Variants in GRID2 observed in about 807,000 individuals in gnomAD.
The protein encoded by GRID2 is glutamate ionotropic receptor delta type subunit 2.
Under a neutral mutation model 114.8 loss-of-function variants are expected in GRID2, and 33 were observed. The ratio of observed to expected loss-of-function variants is 0.29; its 90% CI spans 0.22 to 0.38. The LOEUF (loss-of-function observed/expected upper bound fraction) is 0.38. Among genes scored for constraint, GRID2 ranks in the 10% least tolerant of loss-of-function variants. GRID2 has a pLI of 1.00. For synonymous variants in GRID2, 505 were observed against 449.9 expected, an observed-to-expected ratio of 1.12 and a Z score of -1.55; for missense variants, 1,184 against 1,257.7, an observed-to-expected ratio of 0.94 and a Z score of 0.89.
rs534166283 is a variant in GRID2, at chr4:93,300,086, T to C, written c.1245+61596T>C. On this transcript the variant is annotated intron_variant, in intron 8 of 15. Transcript: ENST00000282020. ...AATAGTTGCTATACAGTATTTGTTC[T>C]TTATTTGTATTATATTTCTCTTTCT... 1.2e-4 allele frequency among the ~76,000 whole-genome samples: 19 copies of C among 152,272 alleles called. No individual in the cohort carries two copies. The South Asian group carries it at 3.9e-3, about 32-fold the overall frequency.
Position 93,772,590 on chromosome 4 carries a change from TA to T in GRID2, c.*100del. ...GTGGGACTAACATGGATGTAACGTT[TA>T]AAAAAAAGATCAGGATTATTAGTAA... On this transcript the variant is annotated 3_prime_UTR_variant, in exon 16 of 16. Coordinates refer to ENST00000282020, the MANE Select transcript of GRID2 (RefSeq NM_001510.4). 3.1e-5 allele frequency: 27 copies of T among 878,256 alleles called. No homozygotes were observed. Among genetic ancestry groups the T allele is most frequent in the South Asian group, 5.8e-5 (3 of 51,920 alleles). The allele number at this position is 878,256 out of a possible 1,614,324, so 54.4% of individuals were successfully genotyped here.
chr4:93,331,816 G>C (rs1421107983), intron 8 of GRID2, among the ~76,000 whole-genome samples: 1 of 152,130 alleles, frequency 6.6e-6, no homozygotes, highest in South Asian at 2.1e-4. Flanking sequence ...GTTCTTAAAA[G>C]GGTTCAGTTA....
At chr4:92,952,908 G>A (rs2149137131) in intron 2 of GRID2, among the ~76,000 whole-genome samples, 1 of 152,318 alleles carries the variant, frequency 6.6e-6, no homozygotes, top group South Asian at 2.1e-4. Context: ...CACGGAGTCA[G>A]CAGAGGTATG....
chr4:92,434,191 C>T, intron 1 of GRID2, among the ~76,000 whole-genome samples: 1 of 152,176 alleles, frequency 6.6e-6, no homozygotes, highest in East Asian at 1.9e-4. Context: ...TTCTCAGCAA[C>T]ATCCTTTCAG....
At chr4:92,970,477 C>T (rs188731846) in intron 2 of GRID2, among the ~76,000 whole-genome samples, 21 of 151,950 alleles carry the variant, frequency 1.4e-4, no homozygotes, top group Admixed American at 7.9e-4. Flanking sequence ...TAATAGTGCA[C>T]ATATTTGTGA....
chr4:93,085,249 A>G lies in GRID2; in HGVS notation c.499A>G (p.Lys167Glu), dbSNP rs769028435. The G allele has an allele frequency of 6.2e-7, 1 of 1,613,526 alleles. No individual in the cohort carries two copies. Among genetic ancestry groups the G allele is most frequent in the Non-Finnish European group, 8.5e-7 (1 of 1,179,402 alleles). ...LRVVTEYAWQ[K>E]FIIFYDSEYD... ...AGTGGTCACAGAGTATGCCTGGCAG[A>G]AATTCATTATATTCTATGATAGTGA... The change falls in exon 3 of 16, where the codon AAA becomes GAA. Residue 167 changes from lysine (K) to glutamate (E), a missense_variant. By Grantham distance (56) the Lys-to-Glu change is moderately conservative (BLOSUM62 1). This residue lies in a region of GRID2 where 455 missense variants were observed against 429.5 expected (regional missense o/e 1.06). Coordinates refer to ENST00000282020, the MANE Select transcript of GRID2 (RefSeq NM_001510.4).
chr4:93,734,445 G>T (rs1402624204), intron 14 of GRID2, among the ~76,000 whole-genome samples: 1 of 151,914 alleles, frequency 6.6e-6, no homozygotes, highest in Non-Finnish European at 1.5e-5. Flanking sequence ...TGAATGTTTG[G>T]TTTCCCTTAT....
At chr4:92,328,521 T>C (rs1726712660) in intron 1 of GRID2, among the ~76,000 whole-genome samples, 1 of 152,104 alleles carries the variant, frequency 6.6e-6, no homozygotes, top group Non-Finnish European at 1.5e-5. Context: ...CAAGTAATCA[T>C]GCCAAGGACA....
chr4:92,358,634 A>C (rs913303441), intron 1 of GRID2, among the ~76,000 whole-genome samples: 1 of 151,882 alleles, frequency 6.6e-6, no homozygotes, highest in African/African-American at 2.4e-5. Flanking sequence ...ATTATATCAA[A>C]AGGGATAACT....
chr4:92,843,008 G>T (rs1483481968), intron 2 of GRID2, among the ~76,000 whole-genome samples: 1 of 152,132 alleles, frequency 6.6e-6, no homozygotes, highest in Non-Finnish European at 1.5e-5. Flanking sequence ...GCAGGCCAAG[G>T]CTGGAGGATC....
chr4:93,385,006 T>C (rs1764187414), intron 8 of GRID2, among the ~76,000 whole-genome samples: 2 of 152,186 alleles, frequency 1.3e-5, no homozygotes, highest in African/African-American at 4.8e-5. Context: ...GGAGTTTCAA[T>C]TGTTTAAATG....
At chr4:93,572,050 G>T (rs944546762) in intron 13 of GRID2, among the ~76,000 whole-genome samples, 40 of 152,122 alleles carry the variant, frequency 2.6e-4, no homozygotes, top group Non-Finnish European at 5.1e-4. Flanking sequence ...GATGGTTGCT[G>T]GTTGGCCTTC....
chr4:92,806,310 G>T (rs1376409285), intron 2 of GRID2, among the ~76,000 whole-genome samples: 2 of 150,970 alleles, frequency 1.3e-5, no homozygotes, highest in East Asian at 2.0e-4. Context: ...CTTACACAAA[G>T]AATTTTTAAA....
At chr4:93,277,734 A>G (rs1156817068) in intron 8 of GRID2, among the ~76,000 whole-genome samples, 1 of 151,704 alleles carries the variant, frequency 6.6e-6, no homozygotes, top group African/African-American at 2.4e-5. Flanking sequence ...TCCTATCCCC[A>G]CTTCACCCCT....
At chr4:92,797,238 A>G (rs984153585) in intron 2 of GRID2, among the ~76,000 whole-genome samples, 2 of 151,978 alleles carry the variant, frequency 1.3e-5, no homozygotes, top group Non-Finnish European at 2.9e-5. Flanking sequence ...AATAAACAAC[A>G]TGCAAGAACC....
intron 2 of GRID2, among the ~76,000 whole-genome samples, chr4:92,682,706 A>ACACACC (rs1446398034): frequency 6.6e-6 from 1 of 150,434 alleles, no homozygotes; most frequent in East Asian, 2.0e-4. Flanking sequence ...ACACACACAC[A>ACACACC]CACACACACT....
intron 12 of GRID2, among the ~76,000 whole-genome samples, 167 bp downstream of exon 12, chr4:93,490,944 G>A (rs1436280178): frequency 6.6e-6 from 1 of 151,836 alleles, no homozygotes; most frequent in East Asian, 1.9e-4. Flanking sequence ...TCCAAGTCCT[G>A]GAAATGCAGT....
At chr4:93,016,530 C>A (rs1355122432) in intron 2 of GRID2, among the ~76,000 whole-genome samples, 2 of 152,146 alleles carry the variant, frequency 1.3e-5, no homozygotes, top group African/African-American at 2.4e-5. Flanking sequence ...TTACTCCATG[C>A]ACTGCCTCTC....
At chr4:92,996,019 G>C (rs556493542) in intron 2 of GRID2, among the ~76,000 whole-genome samples, 1 of 151,916 alleles carries the variant, frequency 6.6e-6, no homozygotes, top group Non-Finnish European at 1.5e-5. Context: ...GCCAGGCACA[G>C]TGGCTCATGC....
Sources: gnomAD v4.1 joint callset for allele counts (sites outside exome capture counted in the v4.1 genomes callset) on GRCh38, gnomAD v4.1.1 for gene constraint, gnomAD v4.1.1 regional missense constraint, MANE v1.5 for transcripts, NCBI Gene and HGNC (gene_info 2026-07-23, HGNC 2026-07-21) for gene names.